Variants in REEP3 observed in about 807,000 individuals in gnomAD.
The protein encoded by REEP3 is receptor expression-enhancing protein 3.
REEP3 carries 20 observed loss-of-function variants against 41.3 expected under a neutral mutation model. That is an observed-to-expected ratio of 0.48 (90% CI 0.34 to 0.70). The LOEUF (loss-of-function observed/expected upper bound fraction) is 0.70, where lower values mean the gene tolerates loss of function less well. Among genes scored for constraint, REEP3 ranks in the 30% least tolerant of loss-of-function variants. The pLI, the probability that REEP3 is intolerant of heterozygous loss-of-function variation, is 0.01. For missense variants in REEP3, 271 were observed against 308.8 expected (o/e 0.88, Z 0.92); for synonymous variants, 104 against 101.8 (o/e 1.02, Z -0.13).
intron 2 of REEP3, among the ~76,000 whole-genome samples, chr10:63,577,402 A>T (rs1021189688): frequency 1.3e-5 from 2 of 152,078 alleles, no homozygotes; most frequent in Non-Finnish European, 2.9e-5. Context: ...ATGTACAGCC[A>T]TCCTTCCTAA....
At chr10:63,534,939 A>T (rs78028212) in intron 1 of REEP3, among the ~76,000 whole-genome samples, 3,512 of 152,298 alleles carry the variant, frequency 0.023, 57 homozygotes, top group Non-Finnish European at 0.039. Context: ...TGAGGTCTAA[A>T]ATTATGCTCT....
At chr10:63,620,431 T>C (rs1956345049) in intron 7 of REEP3, among the ~76,000 whole-genome samples, 1 of 152,206 alleles carries the variant, frequency 6.6e-6, no homozygotes, top group African/African-American at 2.4e-5. Context: ...ACAGTTTTGC[T>C]TTCAACTAAT....
rs1203134212 is a variant in REEP3, at chr10:63,619,755, A to T, written c.666A>T (p.Arg222Ser). ...NEMLTHKGLRRSQSMKSVKTT... is the reference protein window; with the variant it reads ...NEMLTHKGLRSSQSMKSVKTT... Reference sequence around the variant, plus strand: ...TGTTAACACACAAAGGGCTTCGAAGATCGCAAAGCATGAAATCTGTGAAAA... The same window carrying T: ...TGTTAACACACAAAGGGCTTCGAAGTTCGCAAAGCATGAAATCTGTGAAAA... The change falls in exon 7 of 8, where the codon AGA (arginine) becomes AGT (serine). Residue 222 changes from arginine to serine, a missense_variant. Coordinates refer to ENST00000373758, the MANE Select transcript of REEP3 (RefSeq NM_001001330.3). 6.2e-7 allele frequency: 1 copy of T among 1,609,980 alleles called. No homozygotes were observed. The highest frequency in any genetic ancestry group is 1.3e-5 in the African/African-American group (1 of 74,894).
intron 2 of REEP3, among the ~76,000 whole-genome samples, chr10:63,590,969 TTTATA>T (rs1328851414): frequency 1.3e-5 from 2 of 152,228 alleles, no homozygotes; most frequent in Non-Finnish European, 2.9e-5. Context: ...ACAGCAATTC[TTTATA>T]TTATATTTGG....
intron 1 of REEP3, among the ~76,000 whole-genome samples, chr10:63,564,555 G>A (rs1413100425): frequency 1.3e-5 from 2 of 151,892 alleles, no homozygotes; most frequent in Non-Finnish European, 2.9e-5. Flanking sequence ...CCTGGGAGAC[G>A]GAGGCTGCAG....
In REEP3 at chr10:63,623,964, TTAAA is replaced by T. The variant is rs1386012805; in HGVS notation, c.*3098_*3101del. 1 of 152,728 alleles carries T rather than the reference TTAAA, an allele frequency of 6.5e-6. No homozygotes were observed. The highest frequency in any genetic ancestry group is 1.5e-5 in the Non-Finnish European group (1 of 68,168). 9.5% of individuals were successfully genotyped at this position (152,728 alleles called of 1,614,324 possible). On this transcript the variant is annotated 3_prime_UTR_variant, in exon 8 of 8. Coordinates refer to ENST00000373758, the MANE Select transcript of REEP3 (RefSeq NM_001001330.3). ...ATATAAATATTCCAAATTTCTGTGG[TTAAA>T]TATTTTTTTCTTTTTTTTCCTTTTT... is the stretch of plus-strand genomic sequence containing the variant.
chr10:63,613,189 T>G (rs1428311215), intron 6 of REEP3, among the ~76,000 whole-genome samples: 3 of 152,096 alleles, frequency 2.0e-5, no homozygotes, highest in African/African-American at 7.2e-5. Context: ...TTTTTATATT[T>G]TTAGTAGAGA....
chr10:63,560,660 A>G (rs1466054280), intron 1 of REEP3, among the ~76,000 whole-genome samples: 1 of 152,250 alleles, frequency 6.6e-6, no homozygotes, highest in African/African-American at 2.4e-5. Flanking sequence ...GGAAAGGTGT[A>G]ACTATTTCTT....
intron 1 of REEP3, among the ~76,000 whole-genome samples, chr10:63,557,576 T>A (rs940794751): frequency 6.6e-6 from 1 of 152,176 alleles, no homozygotes; most frequent in African/African-American, 2.4e-5. Context: ...GCTCTCCAGG[T>A]GATTTTGACG....
At chr10:63,588,033 C>G (rs1956023839) in intron 2 of REEP3, among the ~76,000 whole-genome samples, 1 of 152,218 alleles carries the variant, frequency 6.6e-6, no homozygotes, top group Non-Finnish European at 1.5e-5. Context: ...CTTCCCTAGA[C>G]AGCTCCCTTT....
intron 1 of REEP3, among the ~76,000 whole-genome samples, chr10:63,556,709 C>T (rs1955689983): frequency 7.1e-6 from 1 of 141,236 alleles, no homozygotes; most frequent in Non-Finnish European, 1.5e-5. Context: ...GATCTCGGCT[C>T]ACTGCAAGCT....
chr10:63,617,846 A>G (rs1462907018), intron 6 of REEP3, among the ~76,000 whole-genome samples: 3 of 113,208 alleles, frequency 2.6e-5, no homozygotes, highest in Non-Finnish European at 5.1e-5. Context: ...TTTTAAAGAG[A>G]TGGAGTCTTG....
chr10:63,556,377 C>T (rs200006886), intron 1 of REEP3, among the ~76,000 whole-genome samples: 7 of 152,066 alleles, frequency 4.6e-5, no homozygotes, highest in African/African-American at 1.4e-4. Context: ...CCACCTTGGC[C>T]TCCCAAAGTG....
At chr10:63,565,531 A>G (rs72837101) in intron 1 of REEP3, among the ~76,000 whole-genome samples, 13 of 152,352 alleles carry the variant, frequency 8.5e-5, no homozygotes, top group Non-Finnish European at 1.6e-4. Flanking sequence ...TAGTTAATGT[A>G]TCAAGAATTG....
At chr10:63,526,573 C>T (rs1955366574) in intron 1 of REEP3, among the ~76,000 whole-genome samples, 1 of 152,094 alleles carries the variant, frequency 6.6e-6, no homozygotes. Context: ...TAGCCAGAAT[C>T]GGAAGTTTTA....
intron 6 of REEP3, among the ~76,000 whole-genome samples, chr10:63,612,155 A>AT (rs796638729): frequency 2.0e-5 from 3 of 151,584 alleles, no homozygotes; most frequent in South Asian, 2.1e-4. Flanking sequence ...TTTTATTTTT[A>AT]TTTTTTTGTT....
intron 2 of REEP3, among the ~76,000 whole-genome samples, chr10:63,592,451 C>A (rs985976425): frequency 2.0e-5 from 3 of 151,870 alleles, no homozygotes; most frequent in African/African-American, 7.3e-5. Context: ...TTTTTGTTTT[C>A]GGTAAAGGGT....
intron 1 of REEP3, among the ~76,000 whole-genome samples, chr10:63,557,370 G>T (rs552448562): frequency 5.6e-4 from 85 of 152,174 alleles, no homozygotes; most frequent in African/African-American, 1.7e-3. Flanking sequence ...ATGAGTTTTT[G>T]ACTATTTCCC....
intron 5 of REEP3, among the ~76,000 whole-genome samples, chr10:63,606,342 T>TTC (rs1192067621): frequency 6.1e-4 from 57 of 93,082 alleles, no homozygotes; most frequent in East Asian, 6.7e-4. Context: ...CTTTGTTTCT[T>TTC]TCTCTCTCTC....
Sources: allele counts gnomAD v4.1 joint callset (sites outside exome capture counted in the v4.1 genomes callset), GRCh38; gene constraint gnomAD v4.1.1; transcripts MANE v1.5; gene names NCBI Gene and HGNC (gene_info 2026-07-23, HGNC 2026-07-21).